Variants in ADGRG6 observed in about 807,000 individuals in gnomAD.
ADGRG6 encodes adhesion G protein-coupled receptor G6.
ADGRG6 carries 84 observed loss-of-function variants against 142.4 expected under a neutral mutation model. The ratio of observed to expected loss-of-function variants is 0.59; its 90% CI spans 0.49 to 0.71. The LOEUF (loss-of-function observed/expected upper bound fraction) is 0.71. Ranked by LOEUF, ADGRG6 falls within the 30% of genes least tolerant of loss-of-function variation. ADGRG6 has a pLI of 0.00. For missense variants in ADGRG6, 1,367 were observed against 1,466.6 expected, an observed-to-expected ratio of 0.93 and a Z score of 1.11; for synonymous variants, 521 against 520.5, an observed-to-expected ratio of 1.00 and a Z score of -0.01.
At chr6:142,314,246 A>T (rs974543628) in intron 2 of ADGRG6, among the ~76,000 whole-genome samples, 3 of 152,212 alleles carry the variant, frequency 2.0e-5, no homozygotes, top group African/African-American at 7.2e-5. Context: ...ACATAAACGT[A>T]GAAGGGGAAT....
At chr6:142,370,086 C>A in intron 3 of ADGRG6, 84 bp from the exon 4 acceptor site, 2 of 1,175,086 alleles carry the variant, frequency 1.7e-6, no homozygotes, top group Admixed American at 2.5e-5. Context: ...TAGTAGAAAG[C>A]GATGGAGGGC....
chr6:142,326,307 CAA>C (rs74763325), intron 2 of ADGRG6, among the ~76,000 whole-genome samples: 28 of 131,410 alleles, frequency 2.1e-4, no homozygotes, highest in Non-Finnish European at 1.7e-4. Flanking sequence ...GTCCTCCCAG[CAA>C]AAAAAAAAAA....
chr6:142,420,547 G>T (rs1164154613), intron 22 of ADGRG6, among the ~76,000 whole-genome samples: 1 of 152,146 alleles, frequency 6.6e-6, no homozygotes, highest in Non-Finnish European at 1.5e-5. Flanking sequence ...TAGAGTCTAT[G>T]TAAGAACAGT....
At chr6:142,358,269 G>C (rs1462854340) in intron 2 of ADGRG6, among the ~76,000 whole-genome samples, 1 of 152,198 alleles carries the variant, frequency 6.6e-6, no homozygotes, top group Non-Finnish European at 1.5e-5. Flanking sequence ...CATAAGGTGA[G>C]TGTGTGTCTT....
intron 2 of ADGRG6, among the ~76,000 whole-genome samples, chr6:142,347,376 T>A (rs1235910605): frequency 6.6e-6 from 1 of 152,222 alleles, no homozygotes; most frequent in Non-Finnish European, 1.5e-5. Flanking sequence ...AACCAAATTT[T>A]AATGTCAATT....
At chr6:142,354,751 T>A (rs946835059) in intron 2 of ADGRG6, among the ~76,000 whole-genome samples, 1 of 152,238 alleles carries the variant, frequency 6.6e-6, no homozygotes, top group Non-Finnish European at 1.5e-5. Flanking sequence ...ATTGCATATA[T>A]GTAAACTATT....
chr6:142,430,311 C>CT (rs1475853679), intron 22 of ADGRG6, among the ~76,000 whole-genome samples: 2 of 152,136 alleles, frequency 1.3e-5, no homozygotes, highest in African/African-American at 2.4e-5. Flanking sequence ...TTGAAGAACT[C>CT]TAAGAGATGA....
chr6:142,316,724 C>A (rs1461985180), intron 2 of ADGRG6, among the ~76,000 whole-genome samples: 3 of 151,964 alleles, frequency 2.0e-5, no homozygotes, highest in African/African-American at 7.2e-5. Context: ...AGTTTCTGAT[C>A]ACAGTGATTT....
At chr6:142,302,384 C>G (rs1379241656) in intron 1 of ADGRG6, 53 bp downstream of exon 1, 3 of 1,592,048 alleles carry the variant, frequency 1.9e-6, no homozygotes, top group Non-Finnish European at 2.6e-6. Context: ...CTGTGTCCAC[C>G]TTCTGTCGCC....
intron 2 of ADGRG6, among the ~76,000 whole-genome samples, chr6:142,349,898 C>T (rs1007664586): frequency 1.3e-5 from 2 of 152,114 alleles, no homozygotes; most frequent in African/African-American, 4.8e-5. Flanking sequence ...ATTTTCTAAA[C>T]TCTGTGGTTC....
At chr6:142,394,788 T>A (rs1775084703) in intron 9 of ADGRG6, among the ~76,000 whole-genome samples, 1 of 152,012 alleles carries the variant, frequency 6.6e-6, no homozygotes, top group South Asian at 2.1e-4. Flanking sequence ...GGTCTTGCTA[T>A]GTTGCTCAGG....
At position 142,393,895 on chromosome 6, in the gene ADGRG6, G is replaced by A; in HGVS notation, c.1362-1G>A. The A allele has an allele frequency of 6.5e-7, 1 of 1,544,048 alleles. No individual in the cohort carries two copies. The highest frequency in any genetic ancestry group is 8.8e-7 in the Non-Finnish European group (1 of 1,137,492). On this transcript the variant is annotated splice_acceptor_variant, in intron 8 of 24. Coordinates refer to ENST00000367609, the MANE Select transcript of ADGRG6 (RefSeq NM_198569.3). LOFTEE classifies it high-confidence loss of function. The stretch of plus-strand genomic sequence containing the variant: ...ATGAATATATGTATTTGTGTTTTTA[G>A]TTTTCACCTGAGTGCTGGAGAGGAC...
chr6:142,349,712 GA>G (rs1477552747), intron 2 of ADGRG6, among the ~76,000 whole-genome samples: 5 of 152,176 alleles, frequency 3.3e-5, no homozygotes, highest in Non-Finnish European at 4.4e-5. Flanking sequence ...CTAATCCATA[GA>G]GTAAACACAC....
At chr6:142,354,663 G>A (rs1347424323) in intron 2 of ADGRG6, among the ~76,000 whole-genome samples, 1 of 152,146 alleles carries the variant, frequency 6.6e-6, no homozygotes, top group African/African-American at 2.4e-5. Flanking sequence ...GTAAAACATT[G>A]TAAAATGAGA....
chr6:142,445,131 T>C lies in ADGRG6; in HGVS notation c.*1616T>C, dbSNP rs1316698717. ...TGCCTGGCTCCAGCAGATGATGAGATAATGAGGTAGTGGGTTTTTTATTAC... is the reference window on the plus strand; with the variant it reads ...TGCCTGGCTCCAGCAGATGATGAGACAATGAGGTAGTGGGTTTTTTATTAC... On this transcript the variant is annotated 3_prime_UTR_variant, in exon 25 of 25. Coordinates refer to ENST00000367609, the MANE Select transcript of ADGRG6 (RefSeq NM_198569.3). 1 of 152,146 alleles carries C rather than the reference T, an allele frequency of 6.6e-6. No homozygotes were observed. The highest frequency in any genetic ancestry group is 2.1e-4 in the South Asian group (1 of 4,832). 9.4% of individuals were successfully genotyped at this position (152,146 alleles called of 1,614,324 possible).
intron 2 of ADGRG6, among the ~76,000 whole-genome samples, chr6:142,321,194 TA>T (rs1288598350): frequency 6.6e-6 from 1 of 151,568 alleles, no homozygotes; most frequent in Non-Finnish European, 1.5e-5. Flanking sequence ...TGAATTAAAT[TA>T]AAAAAATGGC....
chr6:142,440,664 A>G (rs1276404877), intron 24 of ADGRG6, among the ~76,000 whole-genome samples: 1 of 152,140 alleles, frequency 6.6e-6, no homozygotes, highest in African/African-American at 2.4e-5. Flanking sequence ...TTGGGGCTAA[A>G]TGGGTTCTTG....
rs189738691 is a variant in ADGRG6, at chr6:142,313,525, C to G, written c.103+3881C>G. ...CTGAAAATCAGTGATATCAGCAGAT[C>G]GTTTCAAAGCACAGTGTTACTCTGA... On this transcript the variant is annotated intron_variant, in intron 2 of 24. Transcript: ENST00000367609. Among the ~76,000 whole-genome samples the G allele has an allele frequency of 2.2e-3, 337 of 152,184 alleles. 1 individual carries two copies. The highest frequency in any genetic ancestry group is 7.9e-3 in the African/African-American group (326 of 41,524).
In ADGRG6 at chr6:142,409,507, A is replaced by G. The variant is rs866070523; in HGVS notation, c.2389-367A>G. 2.6e-5 allele frequency among the ~76,000 whole-genome samples: 4 copies of G among 152,104 alleles called. No homozygotes were observed. In the East Asian group the frequency reaches 5.8e-4, roughly 22 times the overall value. Reference sequence around the variant, plus strand: ...ATATCTTGTCGAGTCCTTGTTTTCAATTTGTCTATGTAAATACCCAGACAT... The same window carrying G: ...ATATCTTGTCGAGTCCTTGTTTTCAGTTTGTCTATGTAAATACCCAGACAT... On this transcript the variant is annotated intron_variant, in intron 16 of 24. Transcript: ENST00000367609.
Sources: allele counts gnomAD v4.1 joint callset (sites outside exome capture counted in the v4.1 genomes callset), GRCh38; gene constraint gnomAD v4.1.1; transcripts MANE v1.5; gene names NCBI Gene and HGNC (gene_info 2026-07-23, HGNC 2026-07-21).